Variants in DCK observed in about 807,000 individuals in gnomAD.
DCK encodes the protein deoxycytidine kinase.
A neutral mutation model predicts 38.3 loss-of-function variants in DCK; 23 were observed. That is an observed-to-expected ratio of 0.60 (90% CI 0.43 to 0.85). The LOEUF (loss-of-function observed/expected upper bound fraction) is 0.85, where lower values mean the gene tolerates loss of function less well. Among genes scored for constraint, DCK ranks in the 40% least tolerant of loss-of-function variants. The pLI is 0.00. For missense variants in DCK, 259 were observed against 304.4 expected (o/e 0.85, Z 1.11); for synonymous variants, 108 against 100.6 (o/e 1.07, Z -0.44).
chr4:71,029,701 T>C lies in DCK; in HGVS notation c.*323T>C. On this transcript the variant is annotated 3_prime_UTR_variant, in exon 7 of 7. Coordinates refer to ENST00000286648, the MANE Select transcript of DCK (RefSeq NM_000788.3). Reference sequence around the variant, plus strand: ...GCTTCCTTCTGTCATTCCCCTCTTTTGTCTTCCTCAGCAGGTTGGCTTTTT... The same window carrying C: ...GCTTCCTTCTGTCATTCCCCTCTTTCGTCTTCCTCAGCAGGTTGGCTTTTT... 1 of 237,676 alleles carries C rather than the reference T, an allele frequency of 4.2e-6. No individual in the cohort carries two copies. The allele number at this position is 237,676 out of a possible 1,614,324, so 14.7% of individuals were successfully genotyped here. A position where few individuals can be genotyped will look rare whatever the true frequency, so the allele number is the denominator to read the frequency against.
chr4:71,028,088 A>T (rs543854550), intron 6 of DCK, among the ~76,000 whole-genome samples: 1 of 152,318 alleles, frequency 6.6e-6, no homozygotes, highest in Non-Finnish European at 1.5e-5. Flanking sequence ...GACTCCTTAC[A>T]TGATTTTCTG....
chr4:71,014,985 G>A (rs1242888943), intron 2 of DCK, among the ~76,000 whole-genome samples: 1 of 152,134 alleles, frequency 6.6e-6, no homozygotes, highest in Non-Finnish European at 1.5e-5. Flanking sequence ...TCCAGGAGCT[G>A]GTTTTTTGAA....
chr4:71,012,662 G>C (rs879646432), intron 2 of DCK, among the ~76,000 whole-genome samples: 8 of 152,234 alleles, frequency 5.3e-5, no homozygotes, highest in South Asian at 2.1e-4. Flanking sequence ...ACAGGGTCTG[G>C]AGTGGACCTC....
In DCK at chr4:71,029,709, T is replaced by G. The variant is rs72552076; in HGVS notation, c.*331T>G. On this transcript the variant is annotated 3_prime_UTR_variant, in exon 7 of 7. Coordinates refer to ENST00000286648, the MANE Select transcript of DCK (RefSeq NM_000788.3). ...CTGTCATTCCCCTCTTTTGTCTTCC[T>G]CAGCAGGTTGGCTTTTTTCCCTGGT... 1 of 224,786 alleles carries G rather than the reference T, an allele frequency of 4.4e-6. No homozygotes were observed. The highest frequency in any genetic ancestry group is 2.3e-5 in the African/African-American group (1 of 43,030). The allele number at this position is 224,786 out of a possible 1,614,324, so 13.9% of individuals were successfully genotyped here. A position where few individuals can be genotyped will look rare whatever the true frequency, so the allele number is the denominator to read the frequency against.
intron 2 of DCK, among the ~76,000 whole-genome samples, chr4:71,021,894 T>C (rs1270779339): frequency 2.0e-5 from 3 of 152,126 alleles, no homozygotes; most frequent in South Asian, 2.1e-4. Flanking sequence ...CCCAGCTACT[T>C]GGGAGGCTGA....
chr4:71,001,051 G>T (rs538124573), intron 2 of DCK, among the ~76,000 whole-genome samples: 6 of 152,278 alleles, frequency 3.9e-5, no homozygotes, highest in Non-Finnish European at 5.9e-5. Flanking sequence ...CCAATACTAT[G>T]TTGAATAGGA....
chr4:71,027,017 AT>A (rs982922224), intron 6 of DCK, among the ~76,000 whole-genome samples: 21 of 151,292 alleles, frequency 1.4e-4, no homozygotes, highest in African/African-American at 4.4e-4. Flanking sequence ...TAAAATAAGG[AT>A]TTTTTTTTAT....
At chr4:71,004,346 G>A (rs548685883) in intron 2 of DCK, among the ~76,000 whole-genome samples, 2 of 152,310 alleles carry the variant, frequency 1.3e-5, no homozygotes, top group South Asian at 4.1e-4. Flanking sequence ...GTCCCAGAGG[G>A]GCACCTGCCA....
chr4:71,002,070 C>T (rs766021323), intron 2 of DCK, among the ~76,000 whole-genome samples: 10 of 152,016 alleles, frequency 6.6e-5, no homozygotes, highest in Admixed American at 1.3e-4. Flanking sequence ...GTTAGGGTGT[C>T]GATTTTAGAT....
chr4:71,023,075 A>G lies in DCK; in HGVS notation c.402-484A>G, dbSNP rs2010401. ...TGTCCTATTGATACTTAACATTACTAGAAATTAAGATGCACAAAAATGATT... is the reference window on the plus strand; with the variant it reads ...TGTCCTATTGATACTTAACATTACTGGAAATTAAGATGCACAAAAATGATT... On this transcript the variant is annotated intron_variant, in intron 3 of 6. Transcript: ENST00000286648. Among the ~76,000 whole-genome samples the G allele has an allele frequency of 4.0e-3, 610 of 152,330 alleles. 20 individuals carry two copies. The highest frequency in any genetic ancestry group is 0.034 in the Admixed American group (516 of 15,296).
chr4:71,017,678 G>A (rs532446487), intron 2 of DCK, among the ~76,000 whole-genome samples: 1 of 148,742 alleles, frequency 6.7e-6, no homozygotes, highest in Non-Finnish European at 1.5e-5. Context: ...CTGTCGCAGG[G>A]AAAAAAAACA....
intron 2 of DCK, among the ~76,000 whole-genome samples, chr4:71,016,339 G>A (rs528762621): frequency 1.8e-4 from 28 of 152,244 alleles, no homozygotes; most frequent in East Asian, 9.6e-4. Flanking sequence ...AATCAATATC[G>A]TGAAAATGGC....
intron 2 of DCK, among the ~76,000 whole-genome samples, chr4:71,007,540 A>G (rs1278143561): frequency 6.6e-6 from 1 of 152,220 alleles, no homozygotes; most frequent in Non-Finnish European, 1.5e-5. Flanking sequence ...TTGAGCATAC[A>G]TGAACATACC....
rs1272714128 is a variant in DCK, at chr4:71,029,233, T to G, written c.757-119T>G. The G allele has an allele frequency of 1.1e-5, 6 of 564,184 alleles. No individual in the cohort carries two copies. The East Asian group carries it at 1.9e-4, about 18-fold the overall frequency. The allele number at this position is 564,184 out of a possible 1,614,324, so 34.9% of individuals were successfully genotyped here. On this transcript the variant is annotated intron_variant, in intron 6 of 6. Coordinates refer to ENST00000286648, the MANE Select transcript of DCK (RefSeq NM_000788.3). ...TTGGAAAGTAAATGCAATGGCATTGTGGTAGTTACTTATACAGCTGGGGTC... is the reference window on the plus strand; with the variant it reads ...TTGGAAAGTAAATGCAATGGCATTGGGGTAGTTACTTATACAGCTGGGGTC...
intron 2 of DCK, among the ~76,000 whole-genome samples, chr4:71,011,232 C>CTT (rs11322673): frequency 5.6e-4 from 52 of 92,954 alleles, no homozygotes; most frequent in South Asian, 8.0e-4. Context: ...TGTGAGGTCT[C>CTT]TTTTTTTTTT....
At chr4:71,012,993 G>T (rs6446998) in intron 2 of DCK, among the ~76,000 whole-genome samples, 125,610 of 152,122 alleles carry the variant, frequency 0.83, 55,505 homozygotes, top group Non-Finnish European at 0.97. Flanking sequence ...TCGAACCCAT[G>T]GCAAAGAAGC....
intron 2 of DCK, among the ~76,000 whole-genome samples, chr4:71,012,637 C>A (rs947549662): frequency 1.3e-5 from 2 of 152,218 alleles, no homozygotes; most frequent in Non-Finnish European, 2.9e-5. Flanking sequence ...GCCTCCGCTG[C>A]TGATACCCAG....
At chr4:71,006,291 A>T in intron 2 of DCK, 1 of 944,632 alleles carries the variant, frequency 1.1e-6, no homozygotes, top group Non-Finnish European at 1.3e-6. Flanking sequence ...GCAGCATTTT[A>T]CCGTTCTGCA....
chr4:70,995,224 C>A (rs186465146), intron 1 of DCK, among the ~76,000 whole-genome samples: 1 of 152,274 alleles, frequency 6.6e-6, no homozygotes, highest in Admixed American at 6.5e-5. Flanking sequence ...GAATCTCTGA[C>A]AGCTGCTTAC....
Sources: gnomAD v4.1 joint callset for allele counts (sites outside exome capture counted in the v4.1 genomes callset) on GRCh38, gnomAD v4.1.1 for gene constraint, MANE v1.5 for transcripts, NCBI Gene and HGNC (gene_info 2026-07-23, HGNC 2026-07-21) for gene names.